KASH5: variants seen among roughly 807,000 people sequenced by gnomAD.
The protein encoded by KASH5 is KASH domain containing 5.
KASH5 carries 72 observed loss-of-function variants against 84.2 expected under a neutral mutation model. The observed-to-expected ratio is 0.85, with a 90% CI of 0.71 to 1.04. The LOEUF is 1.04. KASH5 is among the 50% of genes least tolerant of loss of function. KASH5 has a pLI of 0.00. For missense variants in KASH5, 650 were observed against 701.0 expected (o/e 0.93, Z 0.82); for synonymous variants, 260 against 279.1 (o/e 0.93, Z 0.68).
chr19:49,396,292 T>C (rs1322632628), intron 5 of KASH5, among the ~76,000 whole-genome samples: 3 of 145,688 alleles, frequency 2.1e-5, no homozygotes, highest in Non-Finnish European at 4.5e-5. Flanking sequence ...TTCACTCCTG[T>C]TGCCCAGGCT....
In KASH5 at chr19:49,407,421, G is replaced by A. The variant is rs1974562978; in HGVS notation, c.933+125G>A. 3 of 1,162,988 alleles carry A rather than the reference G, an allele frequency of 2.6e-6. No homozygotes were observed. In the South Asian group the frequency reaches 4.2e-5, roughly 16 times the overall value. The allele number at this position is 1,162,988 out of a possible 1,614,324, so 72.0% of individuals were successfully genotyped here. A position where few individuals can be genotyped will look rare whatever the true frequency, so the allele number is the denominator to read the frequency against. On this transcript the variant is annotated intron_variant, in intron 11 of 19. Coordinates refer to ENST00000447857, the MANE Select transcript of KASH5 (RefSeq NM_144688.5). ...GGATGTGCAGCTGGAGAGACTGGAG[G>A]GTTTCCCCAGGTCCCAAGTGTGACC...
chr19:49,413,678 A>G (rs553712221), intron 16 of KASH5, among the ~76,000 whole-genome samples: 1 of 152,234 alleles, frequency 6.6e-6, no homozygotes, highest in East Asian at 1.9e-4. Context: ...GGGGCTGAGC[A>G]GTAGTGGAAG....
At position 49,416,141 on chromosome 19, in the gene KASH5, G is replaced by A. The variant is rs901929323; in HGVS notation, c.1375-874G>A. On this transcript the variant is annotated intron_variant, in intron 17 of 19. Coordinates refer to ENST00000447857, the MANE Select transcript of KASH5 (RefSeq NM_144688.5). The surrounding 1 kb of genome is among the most constrained non-coding windows in gnomAD (Gnocchi z 5.4). ...TCATATTTCAGTATAGCAACCATGA[G>A]CAATTAGAAAAATAAATTTGTAATT... 6.6e-6 allele frequency among the ~76,000 whole-genome samples: 1 copy of A among 152,190 alleles called. No homozygotes were observed. The highest frequency in any genetic ancestry group is 1.5e-5 in the Non-Finnish European group (1 of 68,032).
chr19:49,400,770 C>G (rs1261801293), intron 9 of KASH5, among the ~76,000 whole-genome samples: 3 of 152,150 alleles, frequency 2.0e-5, no homozygotes, highest in African/African-American at 7.2e-5. Context: ...CACTGAGGGA[C>G]TAGCAAACAA....
At chr19:49,402,928 AG>A (rs1363434131) in intron 9 of KASH5, among the ~76,000 whole-genome samples, 18 of 151,842 alleles carry the variant, frequency 1.2e-4, no homozygotes, top group Admixed American at 1.3e-4. Context: ...GTCTCTGGGA[AG>A]AAGGTGGTCT....
chr19:49,394,266 C>A (rs1021015975), intron 2 of KASH5, among the ~76,000 whole-genome samples: 5 of 152,162 alleles, frequency 3.3e-5, no homozygotes, highest in African/African-American at 1.2e-4. Flanking sequence ...GGGGGGACTT[C>A]CTGGTTTGAA....
At chr19:49,394,424 T>C in intron 2 of KASH5, 52 bp from the exon 3 acceptor site, 1 of 1,465,214 alleles carries the variant, frequency 6.8e-7, no homozygotes. Context: ...GGGTCACCCC[T>C]CTTCCTTCCT....
intron 2 of KASH5, among the ~76,000 whole-genome samples, chr19:49,391,146 G>A (rs1254144034): frequency 6.6e-6 from 1 of 152,136 alleles, no homozygotes; most frequent in Non-Finnish European, 1.5e-5. Context: ...GGGGAGGCTG[G>A]ACTGTGTGAG....
chr19:49,407,043 C>A, intron 10 of KASH5, 80 bp downstream of exon 10: 1 of 1,405,334 alleles, frequency 7.1e-7, no homozygotes, highest in Non-Finnish European at 9.9e-7. Context: ...GTGACTGCAG[C>A]CTGATAAGGG....
chr19:49,409,911 G>C (rs1463357644), intron 15 of KASH5, 36 bp downstream of exon 15: 2 of 1,608,230 alleles, frequency 1.2e-6, no homozygotes, highest in Admixed American at 3.3e-5. Context: ...CCAGGAGCTG[G>C]AAAGGGGCCA....
At chr19:49,394,904 A>G in intron 3 of KASH5, 1 of 590,942 alleles carries the variant, frequency 1.7e-6, no homozygotes. Context: ...TTACCCTGTG[A>G]TGGGGGGATG....
chr19:49,391,247 C>T (rs931049992), intron 2 of KASH5, among the ~76,000 whole-genome samples: 8 of 152,164 alleles, frequency 5.3e-5, no homozygotes, highest in Admixed American at 6.5e-5. Flanking sequence ...GTGACACTCT[C>T]TCCCCTGCCC....
chr19:49,394,624 TGGGGTGGAGGCTGGGAACTG>T (rs1974115376), intron 3 of KASH5, 44 bp downstream of exon 3: 1 of 1,475,522 alleles, frequency 6.8e-7, no homozygotes, highest in Admixed American at 1.7e-5. Flanking sequence ...GCGGGCAGGA[TGGGGTGGAGGCTGGGAACTG>T]GGGAGCCTCA....
In KASH5 at chr19:49,398,372, CT is replaced by C. The variant is rs764459352; in HGVS notation, c.629+243del. ...TGAGGGTTCAGACTTCTCTCTCTCT[CT>C]TTTTTTTTTTTTTGAGACAGGTTCT... On this transcript the variant is annotated intron_variant, in intron 7 of 19. Transcript: ENST00000447857. 4.8e-3 allele frequency among the ~76,000 whole-genome samples: 679 copies of C among 142,812 alleles called. 1 individual carries two copies. The highest frequency in any genetic ancestry group is 0.011 in the Middle Eastern group (3 of 268). 93.7% of individuals were successfully genotyped at this position (142,812 alleles called of 152,430 possible).
chr19:49,415,182 G>A lies in KASH5; in HGVS notation c.1374+186G>A, dbSNP rs75382229. On this transcript the variant is annotated intron_variant, in intron 17 of 19. Coordinates refer to ENST00000447857, the MANE Select transcript of KASH5 (RefSeq NM_144688.5). ...AATGAGAGCGATGGTGAGGTGGGGG[G>A]AGGCCTGGAGGCTAGTGGGCGGCCA... 408 of 656,232 alleles carry A rather than the reference G, an allele frequency of 6.2e-4. 9 individuals are homozygous for A. The East Asian group carries it at 0.011, about 18-fold the overall frequency. The allele number at this position is 656,232 out of a possible 1,614,324, so 40.7% of individuals were successfully genotyped here.
chr19:49,397,112 C>T (rs939831465), intron 5 of KASH5, among the ~76,000 whole-genome samples: 7 of 150,568 alleles, frequency 4.6e-5, no homozygotes, highest in African/African-American at 1.5e-4. Flanking sequence ...ATACAAAAAA[C>T]GGTGGGGAAG....
chr19:49,395,345 C>T lies in KASH5; in HGVS notation c.335+53C>T. Reference sequence around the variant, plus strand: ...TGGGAAGTCCTTCCTAAGATCTAACCTCATACCTGCTTACTGGAGCCAGCA... The same window carrying T: ...TGGGAAGTCCTTCCTAAGATCTAACTTCATACCTGCTTACTGGAGCCAGCA... On this transcript the variant is annotated intron_variant, in intron 4 of 19. Transcript: ENST00000447857. The surrounding 1 kb of genome is among the most constrained non-coding windows in gnomAD (Gnocchi z 4.4). 6.4e-7 allele frequency: 1 copy of T among 1,560,532 alleles called. No homozygotes were observed. Among genetic ancestry groups the T allele is most frequent in the Non-Finnish European group, 8.7e-7 (1 of 1,145,188 alleles).
rs529118164 is a variant in KASH5 at position 49,414,926 on chromosome 19, C to T, written c.1329-25C>T. ...GGAACCAGGGAGAAGAGGACGAAGCCAGCAGTGACTTTGTTGGCCCTCAGG... is the reference window on the plus strand; with the variant it reads ...GGAACCAGGGAGAAGAGGACGAAGCTAGCAGTGACTTTGTTGGCCCTCAGG... On this transcript the variant is annotated intron_variant, in intron 16 of 19. Coordinates refer to ENST00000447857, the MANE Select transcript of KASH5 (RefSeq NM_144688.5). This position sits in a 1 kb window ranked among gnomAD's most constrained non-coding sequence, Gnocchi z 4.5. The T allele has an allele frequency of 1.2e-4, 190 of 1,609,130 alleles. 1 individual carries two copies. The South Asian group carries it at 2.0e-3, about 17-fold the overall frequency.
At chr19:49,392,649 C>T (rs1003409126) in intron 2 of KASH5, among the ~76,000 whole-genome samples, 6 of 152,138 alleles carry the variant, frequency 3.9e-5, no homozygotes, top group African/African-American at 1.2e-4. Context: ...TGGTGGCTCA[C>T]ACCTGTAATC....
Sources: allele counts gnomAD v4.1 joint callset (sites outside exome capture counted in the v4.1 genomes callset), GRCh38; gene constraint gnomAD v4.1.1; non-coding constraint Gnocchi (gnomAD v3.1); transcripts MANE v1.5; gene names NCBI Gene and HGNC (gene_info 2026-07-23, HGNC 2026-07-21).